The following NETO1 variants were observed in gnomAD, a reference collection of about 807,000 sequenced individuals.
NETO1 encodes neuropilin and tolloid like 1.
A neutral mutation model predicts 61.3 loss-of-function variants in NETO1; 26 were observed. That is an observed-to-expected ratio of 0.42 (90% CI 0.31 to 0.59). The LOEUF is 0.59. Among genes scored for constraint, NETO1 ranks in the 20% least tolerant of loss-of-function variants. The pLI is 0.12. For synonymous variants in NETO1, 225 were observed against 225.8 expected, an observed-to-expected ratio of 1.00 and a Z score of 0.03; for missense variants, 531 against 662.8, an observed-to-expected ratio of 0.80 and a Z score of 2.18.
intron 4 of NETO1, among the ~76,000 whole-genome samples, chr18:72,857,804 C>T (rs1411613649): frequency 6.6e-6 from 1 of 152,086 alleles, no homozygotes. Context: ...AAAAACATTC[C>T]TAATGCTTAA....
intron 4 of NETO1, among the ~76,000 whole-genome samples, chr18:72,797,315 T>A (rs889927108): frequency 2.9e-4 from 44 of 152,352 alleles, no homozygotes; most frequent in African/African-American, 9.4e-4. Context: ...ACTGAAAATT[T>A]ATTTTTGTCT....
intron 7 of NETO1, among the ~76,000 whole-genome samples, chr18:72,779,370 T>C (rs1282187342): frequency 1.3e-5 from 2 of 151,892 alleles, no homozygotes; most frequent in African/African-American, 2.4e-5. Flanking sequence ...AATATATGAA[T>C]AGTCTGTTTA....
intron 6 of NETO1, among the ~76,000 whole-genome samples, chr18:72,784,250 C>A (rs1454859380): frequency 1.3e-5 from 2 of 152,076 alleles, no homozygotes; most frequent in African/African-American, 2.4e-5. Context: ...TTTAAGTATT[C>A]CTGATACATT....
rs2073532118 is a variant in NETO1, at chr18:72,830,268, A to G, written c.469+28558T>C. 6.6e-6 allele frequency among the ~76,000 whole-genome samples: 1 copy of G among 152,140 alleles called. No individual in the cohort carries two copies. Among genetic ancestry groups the G allele is most frequent in the Admixed American group, 6.5e-5 (1 of 15,276 alleles). ...TATCTTGGTGCCGGCTTGCGAGAGT[A>G]GGCATGGTGCTAACAAAATTGGCAA... On this transcript the variant is annotated intron_variant, in intron 4 of 10. Coordinates refer to ENST00000327305, the MANE Select transcript of NETO1 (RefSeq NM_138966.5). The surrounding 1 kb of genome is among the most constrained non-coding windows in gnomAD (Gnocchi z 4.9).
At chr18:72,833,185 C>T (rs968419704) in intron 4 of NETO1, among the ~76,000 whole-genome samples, 2 of 152,172 alleles carry the variant, frequency 1.3e-5, no homozygotes, top group African/African-American at 4.8e-5. Context: ...TATATTGATA[C>T]ATCCATACAA....
chr18:72,783,848 A>G lies in NETO1; in HGVS notation c.698T>C (p.Phe233Ser), dbSNP rs2071824312. The change falls in exon 7 of 11, where the codon TTT becomes TCT. Residue 233 changes from phenylalanine to serine, a missense_variant. By Grantham distance (155) the Phe-to-Ser change is radical (BLOSUM62 -2). Transcript: ENST00000327305. ...ACTGCTTCCATCATACACAGCCACA[A>G]AATTCCTCTTGCACTCATTTGAATT... is the stretch of plus-strand genomic sequence containing the variant. ...MQNSNECKRN[F>S]VAVYDGSSSV... The G allele has an allele frequency of 1.2e-6, 2 of 1,614,076 alleles. No homozygotes were observed.
At chr18:72,763,662 G>C (rs1208488434) in intron 7 of NETO1, among the ~76,000 whole-genome samples, 2 of 151,552 alleles carry the variant, frequency 1.3e-5, no homozygotes, top group Non-Finnish European at 2.9e-5. Flanking sequence ...ACACCACACA[G>C]CCACAGTCAC....
chr18:72,809,943 G>T (rs11877165), intron 4 of NETO1, among the ~76,000 whole-genome samples: 1 of 152,106 alleles, frequency 6.6e-6, no homozygotes, highest in Non-Finnish European at 1.5e-5. Context: ...TCCCTTTTAC[G>T]TCTATTTAGC....
chr18:72,769,342 T>C (rs1176791945), intron 7 of NETO1, among the ~76,000 whole-genome samples: 1 of 152,200 alleles, frequency 6.6e-6, no homozygotes, highest in African/African-American at 2.4e-5. Flanking sequence ...GGAGAAATTC[T>C]ATTACAGAGC....
chr18:72,854,714 G>T (rs1252769404), intron 4 of NETO1, among the ~76,000 whole-genome samples: 2 of 152,164 alleles, frequency 1.3e-5, no homozygotes, highest in East Asian at 3.8e-4. Flanking sequence ...GTGAAATATG[G>T]AAAGTGGTAT....
chr18:72,787,852 A>G (rs913960554), intron 6 of NETO1, among the ~76,000 whole-genome samples: 20 of 152,222 alleles, frequency 1.3e-4, no homozygotes, highest in African/African-American at 4.6e-4. Context: ...AAAGAAAGTT[A>G]TATTCTTAAA....
downstream of NETO1, chr18:72,742,392 A>G (rs1308548200): frequency 6.6e-6 from 1 of 152,200 alleles, no homozygotes; most frequent in African/African-American, 2.4e-5. Flanking sequence ...TTTATAGATG[A>G]TACTTTTGTT....
At chr18:72,809,134 A>G (rs1398894761) in intron 4 of NETO1, among the ~76,000 whole-genome samples, 3 of 152,218 alleles carry the variant, frequency 2.0e-5, no homozygotes, top group East Asian at 1.9e-4. Context: ...TCACATCTAG[A>G]AAACTCAGCC....
In NETO1 at chr18:72,767,599, T is replaced by C. The variant is rs151134173; in HGVS notation, c.869-11452A>G. 2.2e-4 allele frequency among the ~76,000 whole-genome samples: 34 copies of C among 152,300 alleles called. No individual in the cohort carries two copies. The East Asian group carries it at 6.4e-3, about 29-fold the overall frequency. On this transcript the variant is annotated intron_variant, in intron 7 of 10. Transcript: ENST00000327305. Reference sequence around the variant, plus strand: ...ACATGTCTGTACACATAATACTTCTTCAATGGTTTAAGTAACCATATCAGT... The same window carrying C: ...ACATGTCTGTACACATAATACTTCTCCAATGGTTTAAGTAACCATATCAGT...
At chr18:72,834,398 G>T (rs1446120530) in intron 4 of NETO1, 1 of 950,504 alleles carries the variant, frequency 1.1e-6, no homozygotes, top group African/African-American at 1.8e-5. Context: ...TAGATTTAAT[G>T]AAGGGAGTAT....
chr18:72,782,943 G>A (rs1262467079), intron 7 of NETO1, among the ~76,000 whole-genome samples: 1 of 152,202 alleles, frequency 6.6e-6, no homozygotes, highest in Non-Finnish European at 1.5e-5. Flanking sequence ...TTGGCCACAT[G>A]AAGTGTCTGT....
intron 4 of NETO1, among the ~76,000 whole-genome samples, chr18:72,816,934 C>T (rs1277528584): frequency 6.6e-6 from 1 of 152,182 alleles, no homozygotes; most frequent in Non-Finnish European, 1.5e-5. Context: ...GATGAGAAGA[C>T]ACTTGTGAGA....
At chr18:72,777,670 G>C (rs1437236890) in intron 7 of NETO1, among the ~76,000 whole-genome samples, 1 of 151,608 alleles carries the variant, frequency 6.6e-6, no homozygotes, top group Non-Finnish European at 1.5e-5. Flanking sequence ...GTGAACCCGG[G>C]AGGCGGAGCT....
chr18:72,812,018 A>G (rs2072883315), intron 4 of NETO1, among the ~76,000 whole-genome samples: 1 of 152,232 alleles, frequency 6.6e-6, no homozygotes, highest in African/African-American at 2.4e-5. Flanking sequence ...GTGTTCCCAC[A>G]GTGACTGCAG....
Sources: gnomAD v4.1 joint callset for allele counts (sites outside exome capture counted in the v4.1 genomes callset) on GRCh38, gnomAD v4.1.1 for gene constraint, Gnocchi (gnomAD v3.1) non-coding constraint, MANE v1.5 for transcripts, NCBI Gene and HGNC (gene_info 2026-07-23, HGNC 2026-07-21) for gene names.